OR6Y1: variants seen among roughly 807,000 people sequenced by gnomAD.
OR6Y1 encodes the protein olfactory receptor family 6 subfamily Y member 1.
In OR6Y1, 1 loss-of-function variant was observed where a neutral mutation model predicts 0.4. The observed-to-expected ratio is 2.74, with a 90% CI of 0.97 to 13.02. The LOEUF is 13.02. OR6Y1 is among the 30% of genes most tolerant of loss of function. The pLI, the probability that OR6Y1 is intolerant of heterozygous loss-of-function variation, is 0.12. For synonymous variants in OR6Y1, 173 were observed against 141.1 expected, an observed-to-expected ratio of 1.23 and a Z score of -1.60; for missense variants, 480 against 399.8, an observed-to-expected ratio of 1.20 and a Z score of -1.71.
rs746184293 is a variant in OR6Y1, at chr1:158,547,957, A to G, written c.149T>C (p.Ile50Thr). The G allele has an allele frequency of 2.5e-6, 4 of 1,613,578 alleles. No homozygotes were observed. The highest frequency in any genetic ancestry group is 3.4e-6 in the Non-Finnish European group (4 of 1,179,978). ...YLLTLLENLLIILAIHSDGQL... is the reference protein window; with the variant it reads ...YLLTLLENLLTILAIHSDGQL... Reference sequence around the variant, plus strand: ...CCCATCACTGTGGATAGCTAAGATGATAAGAAGATTCTCCAGCAGTGTCAG... The same window carrying G: ...CCCATCACTGTGGATAGCTAAGATGGTAAGAAGATTCTCCAGCAGTGTCAG... The change falls in exon 2 of 2, where the codon ATC (isoleucine) becomes ACC (threonine). Residue 50 changes from isoleucine to threonine, a missense_variant. By Grantham distance (89) the Ile-to-Thr change is moderately conservative. Coordinates refer to ENST00000641622, the MANE Select transcript of OR6Y1 (RefSeq NM_001005189.2).
rs577782944 is a variant in OR6Y1 at position 158,545,859 on chromosome 1, G to T, written c.*1269C>A. 1 of 151,944 alleles carries T rather than the reference G, an allele frequency of 6.6e-6. No homozygotes were observed. The highest frequency in any genetic ancestry group is 1.5e-5 in the Non-Finnish European group (1 of 67,956). The allele number at this position is 151,944 out of a possible 1,614,324, so 9.4% of individuals were successfully genotyped here. On this transcript the variant is annotated 3_prime_UTR_variant, in exon 2 of 2. Coordinates refer to ENST00000641622, the MANE Select transcript of OR6Y1 (RefSeq NM_001005189.2). ...TTTTAAAAATTGCTGAGGTTTATTGGCTCCAGTATTAGTTTCCTAGGGCTG... is the reference window on the plus strand; with the variant it reads ...TTTTAAAAATTGCTGAGGTTTATTGTCTCCAGTATTAGTTTCCTAGGGCTG...
Position 158,546,825 on chromosome 1 carries a change from T to C in OR6Y1, c.*303A>G, listed in dbSNP as rs1647548854. The C allele has an allele frequency of 4.3e-6, 1 of 234,528 alleles. No individual in the cohort carries two copies. The highest frequency in any genetic ancestry group is 5.1e-5 in the Admixed American group (1 of 19,782). 14.5% of individuals were successfully genotyped at this position (234,528 alleles called of 1,614,324 possible). A position where few individuals can be genotyped will look rare whatever the true frequency, so the allele number is the denominator to read the frequency against. ...ATAAGTTGTGTGGAAAAAGTATTCA[T>C]CTTCCTCCTTTCCTCCCTCCTACCA... On this transcript the variant is annotated 3_prime_UTR_variant, in exon 2 of 2. Transcript: ENST00000641622.
At chr1:158,550,064 C>T (rs1003355955) in intron 1 of OR6Y1, among the ~76,000 whole-genome samples, 4 of 151,642 alleles carry the variant, frequency 2.6e-5, no homozygotes, top group African/African-American at 7.3e-5. Context: ...ATCTTTGTGT[C>T]TATTTTTTAA....
rs772044981 is a variant in OR6Y1 at position 158,547,351 on chromosome 1, A to G, written c.755T>C (p.Val252Ala). Residue 252 changes from valine (V) to alanine (A), a missense_variant, in exon 2 of 2, where the codon GTC becomes GCC. Coordinates refer to ENST00000641622, the MANE Select transcript of OR6Y1 (RefSeq NM_001005189.2). Reference protein sequence around the residue: ...AFSTCASHLTVVILFYSMTLF... With the variant: ...AFSTCASHLTAVILFYSMTLF... The stretch of plus-strand genomic sequence containing the variant: ...TGTCATGGAATAGAAGAGAATTACG[A>G]CGGTCAGGTGGGAGGCACAGGTGGA... 4 of 1,613,526 alleles carry G rather than the reference A, an allele frequency of 2.5e-6. No individual in the cohort carries two copies. The highest frequency in any genetic ancestry group is 1.1e-5 in the South Asian group (1 of 91,076).
In OR6Y1 at chr1:158,545,134, C is replaced by G. The variant is rs1375891645; in HGVS notation, c.*1994G>C. ...TACACTGTCTTTTACATAGATTGAACTAATATACACTCCCAACAACATTGA... is the reference window on the plus strand; with the variant it reads ...TACACTGTCTTTTACATAGATTGAAGTAATATACACTCCCAACAACATTGA... On this transcript the variant is annotated 3_prime_UTR_variant, in exon 2 of 2. Coordinates refer to ENST00000641622, the MANE Select transcript of OR6Y1 (RefSeq NM_001005189.2). 6.6e-6 allele frequency: 1 copy of G among 151,968 alleles called. No homozygotes were observed. Among genetic ancestry groups the G allele is most frequent in the African/African-American group, 2.4e-5 (1 of 41,380 alleles). 9.4% of individuals were successfully genotyped at this position (151,968 alleles called of 1,614,324 possible).
Position 158,548,118 on chromosome 1 carries a change from G to T in OR6Y1, c.-13C>A. The T allele has an allele frequency of 6.2e-7, 1 of 1,604,710 alleles. No homozygotes were observed. The highest frequency in any genetic ancestry group is 8.5e-7 in the Non-Finnish European group (1 of 1,176,380). On this transcript the variant is annotated 5_prime_UTR_variant, in exon 2 of 2. Coordinates refer to ENST00000641622, the MANE Select transcript of OR6Y1 (RefSeq NM_001005189.2). ...TTATGGTGGTCATGACTGGCTGTGG[G>T]CACAGACAAAGTCAGTTCCTTCCAT...
In OR6Y1 at chr1:158,547,896, G is replaced by A. The variant is rs368061672; in HGVS notation, c.210C>T (p.His70=). Residue 70 remains histidine, a synonymous_variant, in exon 2 of 2, where the codon CAC becomes CAT. Transcript: ENST00000641622. ...CATACCACATCTCCAGGAAGGAGAGGTGGCTCAAGAAGAAGTACATGGGCT... is the reference window on the plus strand; with the variant it reads ...CATACCACATCTCCAGGAAGGAGAGATGGCTCAAGAAGAAGTACATGGGCT... The part of the protein sequence containing the change: ...LHKPMYFFLS[H]LSFLEMWYVT... 5.6e-5 allele frequency: 91 copies of A among 1,613,382 alleles called. No individual in the cohort carries two copies. The Admixed American group carries it at 1.1e-3, about 19-fold the overall frequency.
At chr1:158,553,583 G>A (rs1343276108) in intron 1 of OR6Y1, among the ~76,000 whole-genome samples, 2 of 151,780 alleles carry the variant, frequency 1.3e-5, no homozygotes, top group Admixed American at 1.3e-4. Flanking sequence ...AAGAAAAAAT[G>A]TAGCAGGAAT....
At chr1:158,554,181 C>A (rs1419503073) in intron 1 of OR6Y1, 85 bp downstream of exon 1, 1 of 152,108 alleles carries the variant, frequency 6.6e-6, no homozygotes, top group Non-Finnish European at 1.5e-5. Flanking sequence ...TTCCATTATT[C>A]CCTACTTTCC....
In OR6Y1 at chr1:158,545,493, T is replaced by TAAAAG. The variant is rs1647498389; in HGVS notation, c.*1634_*1635insCTTTT. The TAAAAG allele has an allele frequency of 6.6e-6, 1 of 151,882 alleles. No individual in the cohort carries two copies. The allele number at this position is 151,882 out of a possible 1,614,324, so 9.4% of individuals were successfully genotyped here. Reference sequence around the variant, plus strand: ...AAAGTATAATAATAATAAAATAAAATAAAATAAAATAAAACCACTCATTGT... The same window carrying TAAAAG: ...AAAGTATAATAATAATAAAATAAAATAAAAGAAAATAAAATAAAACCACTCATTGT... On this transcript the variant is annotated 3_prime_UTR_variant, in exon 2 of 2. Coordinates refer to ENST00000641622, the MANE Select transcript of OR6Y1 (RefSeq NM_001005189.2).
chr1:158,553,439 C>CA (rs1350511044), intron 1 of OR6Y1, among the ~76,000 whole-genome samples: 2 of 152,014 alleles, frequency 1.3e-5, no homozygotes. Context: ...CAACACTAAG[C>CA]AATTGTCAAT....
intron 1 of OR6Y1, among the ~76,000 whole-genome samples, chr1:158,551,952 CT>C (rs1647714547): frequency 6.7e-6 from 1 of 148,962 alleles, no homozygotes; most frequent in African/African-American, 2.6e-5. Context: ...AATCCAGTAT[CT>C]ATAAAACTAG....
At position 158,547,635 on chromosome 1, in the gene OR6Y1, T is replaced by C. The variant is rs1407950372; in HGVS notation, c.471A>G (p.Gly157=). ...CCATCTTAATCATGGCAGTCATGAG[T>C]CCACAGAACCAGCATCCTCCAGCCA... ...GTLAGGCWFC[G]LMTAMIKMVF... Residue 157 remains glycine, a synonymous_variant, in exon 2 of 2, where the codon GGA becomes GGG. Coordinates refer to ENST00000641622, the MANE Select transcript of OR6Y1 (RefSeq NM_001005189.2). The C allele has an allele frequency of 1.2e-6, 2 of 1,613,048 alleles. No homozygotes were observed. The highest frequency in any genetic ancestry group is 1.7e-5 in the Admixed American group (1 of 59,900).
intron 1 of OR6Y1, among the ~76,000 whole-genome samples, chr1:158,551,408 T>C (rs1051610668): frequency 4.6e-5 from 7 of 151,754 alleles, no homozygotes; most frequent in African/African-American, 1.2e-4. Flanking sequence ...TTTCCTCAGA[T>C]AAGGAAATCC....
At chr1:158,549,860 C>T (rs1647654775) in intron 1 of OR6Y1, among the ~76,000 whole-genome samples, 1 of 151,714 alleles carries the variant, frequency 6.6e-6, no homozygotes, top group East Asian at 1.9e-4. Context: ...AAAATTCAAA[C>T]CAACTTAAAA....
chr1:158,552,962 G>A (rs1362951844), intron 1 of OR6Y1, among the ~76,000 whole-genome samples: 1 of 152,130 alleles, frequency 6.6e-6, no homozygotes, highest in East Asian at 1.9e-4. Flanking sequence ...GGTGATATGT[G>A]TAACAGCCCC....
rs1455670220 is a variant in OR6Y1, at chr1:158,548,890, G to A, written c.-785C>T. 6.6e-6 allele frequency: 1 copy of A among 151,706 alleles called. No homozygotes were observed. Among genetic ancestry groups the A allele is most frequent in the Non-Finnish European group, 1.5e-5 (1 of 68,022 alleles). 9.4% of individuals were successfully genotyped at this position (151,706 alleles called of 1,614,324 possible). A position where few individuals can be genotyped will look rare whatever the true frequency, so the allele number is the denominator to read the frequency against. On this transcript the variant is annotated 5_prime_UTR_variant, in exon 2 of 2. Transcript: ENST00000641622. ...GATAATACAATGGGGTTCACATTTT[G>A]TGAACATCAAATGGGATTTAGAGTT...
rs1327090610 is a variant in OR6Y1 at position 158,547,325 on chromosome 1, G to C, written c.781C>G (p.Leu261Val). 3 of 1,613,620 alleles carry C rather than the reference G, an allele frequency of 1.9e-6. No individual in the cohort carries two copies. The highest frequency in any genetic ancestry group is 1.7e-5 in the Admixed American group (1 of 59,996). Residue 261 changes from leucine to valine, a missense_variant, in exon 2 of 2, where the codon CTT becomes GTT. Leu to Val is a conservative substitution (Grantham distance 32). Coordinates refer to ENST00000641622, the MANE Select transcript of OR6Y1 (RefSeq NM_001005189.2). ...AGTTTGGGACGGGCATAGGTGAAAA[G>C]TGTCATGGAATAGAAGAGAATTACG... Reference protein sequence around the residue: ...TVVILFYSMTLFTYARPKLMY... With the variant: ...TVVILFYSMTVFTYARPKLMY...
chr1:158,546,456 T>G lies in OR6Y1; in HGVS notation c.*672A>C, dbSNP rs1647535213. ...TTATAACATTAATAATAAAAATTAG[T>G]AATAGTTTTCACTTTGTTATTTGGT... On this transcript the variant is annotated 3_prime_UTR_variant, in exon 2 of 2. Transcript: ENST00000641622. The G allele has an allele frequency of 6.6e-6, 1 of 152,202 alleles. No homozygotes were observed. The highest frequency in any genetic ancestry group is 1.5e-5 in the Non-Finnish European group (1 of 68,044). The allele number at this position is 152,202 out of a possible 1,614,324, so 9.4% of individuals were successfully genotyped here. A position where few individuals can be genotyped will look rare whatever the true frequency, so the allele number is the denominator to read the frequency against.
Sources: allele counts gnomAD v4.1 joint callset (sites outside exome capture counted in the v4.1 genomes callset), GRCh38; gene constraint gnomAD v4.1.1; transcripts MANE v1.5; gene names NCBI Gene and HGNC (gene_info 2026-07-23, HGNC 2026-07-21).